Variants in PPP3CB observed in about 807,000 individuals in gnomAD.
PPP3CB encodes protein phosphatase 3 catalytic subunit beta.
A neutral mutation model predicts 66.4 loss-of-function variants in PPP3CB; 8 were observed. That is an observed-to-expected ratio of 0.12 (90% CI 0.07 to 0.22). The LOEUF is 0.22. Among genes scored for constraint, PPP3CB ranks in the 10% least tolerant of loss-of-function variants. The pLI, the probability that PPP3CB is intolerant of heterozygous loss-of-function variation, is 1.00. For synonymous variants in PPP3CB, 208 were observed against 221.2 expected (o/e 0.94, Z 0.53); for missense variants, 319 against 642.5 (o/e 0.50, Z 5.44).
chr10:73,441,740 G>A (rs959611462), intron 12 of PPP3CB, among the ~76,000 whole-genome samples: 3 of 152,162 alleles, frequency 2.0e-5, no homozygotes, highest in African/African-American at 7.2e-5. Context: ...AGATCCTGGT[G>A]AGGGTAGCAT....
intron 9 of PPP3CB, among the ~76,000 whole-genome samples, chr10:73,456,500 C>A (rs1226659423): frequency 1.3e-5 from 2 of 152,152 alleles, no homozygotes; most frequent in Admixed American, 6.5e-5. Flanking sequence ...TTTATCACAA[C>A]AGAACAGAGA....
At chr10:73,454,109 C>G (rs1252501724) in intron 10 of PPP3CB, among the ~76,000 whole-genome samples, 1 of 152,106 alleles carries the variant, frequency 6.6e-6, no homozygotes, top group Non-Finnish European at 1.5e-5. Context: ...TTTTCTCTAA[C>G]CAGTGTCCAT....
rs1488165485 is a variant in PPP3CB, at chr10:73,437,250, T to G, written c.*992A>C. On this transcript the variant is annotated 3_prime_UTR_variant, in exon 14 of 14. Coordinates refer to ENST00000360663, the MANE Select transcript of PPP3CB (RefSeq NM_021132.4). ...TTAAAATTTCCTTTGCATTAAAACA[T>G]AAAAATGATAGAAAGCCAGCAGCAA... 1 of 152,632 alleles carries G rather than the reference T, an allele frequency of 6.6e-6. No homozygotes were observed. Among genetic ancestry groups the G allele is most frequent in the Non-Finnish European group, 1.5e-5 (1 of 68,028 alleles). 9.5% of individuals were successfully genotyped at this position (152,632 alleles called of 1,614,324 possible).
At chr10:73,495,484 C>T (rs2057178832) in intron 1 of PPP3CB, 1 of 183,420 alleles carries the variant, frequency 5.5e-6, no homozygotes, top group African/African-American at 2.4e-5. Flanking sequence ...GGGCAGGAAG[C>T]TAATCGCGGC....
intron 9 of PPP3CB, among the ~76,000 whole-genome samples, chr10:73,457,563 C>A (rs1409340591): frequency 6.6e-6 from 1 of 151,760 alleles, no homozygotes; most frequent in African/African-American, 2.4e-5. Context: ...CATGGTGAAA[C>A]CCTGTCTCTA....
intron 3 of PPP3CB, 43 bp downstream of exon 3, chr10:73,478,456 T>C: frequency 1.3e-6 from 2 of 1,560,732 alleles, no homozygotes; most frequent in Non-Finnish European, 1.8e-6. Flanking sequence ...AGCATCTGTG[T>C]TAACACTTAA....
intron 1 of PPP3CB, among the ~76,000 whole-genome samples, chr10:73,494,510 GTC>G (rs2057140675): frequency 6.6e-6 from 1 of 151,986 alleles, no homozygotes; most frequent in Non-Finnish European, 1.5e-5. Context: ...GCCCAGGCTG[GTC>G]TCCAACTCCT....
intron 9 of PPP3CB, among the ~76,000 whole-genome samples, chr10:73,458,036 G>T (rs997080064): frequency 2.0e-5 from 3 of 152,166 alleles, no homozygotes; most frequent in African/African-American, 7.2e-5. Context: ...TGCTAGTCTG[G>T]TGATAGATAC....
chr10:73,448,591 G>C, intron 10 of PPP3CB: 1 of 531,064 alleles, frequency 1.9e-6, no homozygotes, highest in Non-Finnish European at 3.9e-6. Context: ...CAATGAATGT[G>C]CTAACTTACA....
At chr10:73,490,489 C>T (rs562395342) in intron 1 of PPP3CB, among the ~76,000 whole-genome samples, 45 of 152,328 alleles carry the variant, frequency 3.0e-4, no homozygotes, top group Non-Finnish European at 4.7e-4. Context: ...CATACACAGA[C>T]GATGCCCAAT....
intron 9 of PPP3CB, among the ~76,000 whole-genome samples, chr10:73,460,896 G>A (rs1309107499): frequency 2.0e-5 from 3 of 152,212 alleles, no homozygotes; most frequent in African/African-American, 7.2e-5. Context: ...GAAAGCCTAG[G>A]TGCCCAGGGG....
In PPP3CB at chr10:73,490,683, C is replaced by A. The variant is rs191582629; in HGVS notation, c.85+5122G>T. On this transcript the variant is annotated intron_variant, in intron 1 of 13. Transcript: ENST00000360663. ...TTTGCCTCACTACTAAGCTGTATTT[C>A]CAACTTGGCATTTTCCTTTTAAGGT... Among the ~76,000 whole-genome samples the A allele has an allele frequency of 8.7e-3, 1,325 of 152,286 alleles. 13 individuals carry two copies. Among genetic ancestry groups the A allele is most frequent in the Non-Finnish European group, 0.016 (1,058 of 68,020 alleles).
intron 1 of PPP3CB, among the ~76,000 whole-genome samples, chr10:73,481,626 A>C (rs1214258098): frequency 4.4e-4 from 62 of 139,442 alleles, no homozygotes; most frequent in African/African-American, 1.9e-3. Flanking sequence ...TAAAGTAACT[A>C]AAAAAAAACA....
intron 10 of PPP3CB, among the ~76,000 whole-genome samples, chr10:73,448,335 C>T (rs2056292407): frequency 1.3e-5 from 2 of 152,074 alleles, no homozygotes; most frequent in Non-Finnish European, 2.9e-5. Context: ...TAAATGGTCA[C>T]AGTAACATTT....
At position 73,439,973 on chromosome 10, in the gene PPP3CB, A is replaced by G; in HGVS notation, c.1367-72T>C. On this transcript the variant is annotated intron_variant, in intron 12 of 13. Transcript: ENST00000360663. ...GAAGGGTCATATTGTACAGCAGAAAAGGCAATGATCACTTAAAATATCACA... is the reference window on the plus strand; with the variant it reads ...GAAGGGTCATATTGTACAGCAGAAAGGGCAATGATCACTTAAAATATCACA... The G allele has an allele frequency of 2.1e-6, 3 of 1,444,130 alleles. No individual in the cohort carries two copies. The South Asian group carries it at 3.4e-5, about 17-fold the overall frequency. 89.5% of individuals were successfully genotyped at this position (1,444,130 alleles called of 1,614,324 possible). A position where few individuals can be genotyped will look rare whatever the true frequency, so the allele number is the denominator to read the frequency against.
intron 1 of PPP3CB, among the ~76,000 whole-genome samples, chr10:73,479,920 C>T (rs2056847067): frequency 6.6e-6 from 1 of 151,982 alleles, no homozygotes; most frequent in African/African-American, 2.4e-5. Context: ...ACGACTACTT[C>T]GTAGGCTGGG....
intron 10 of PPP3CB, among the ~76,000 whole-genome samples, chr10:73,449,951 A>G (rs1589687394): frequency 6.6e-6 from 1 of 152,058 alleles, no homozygotes; most frequent in Admixed American, 6.5e-5. Context: ...GCGCACCACC[A>G]TGCCTGGCTA....
At chr10:73,440,869 C>A (rs1445940369) in intron 12 of PPP3CB, among the ~76,000 whole-genome samples, 2 of 152,162 alleles carry the variant, frequency 1.3e-5, no homozygotes, top group Non-Finnish European at 1.5e-5. Flanking sequence ...GAGAATTTCA[C>A]CATAATTAGT....
chr10:73,447,601 C>G (rs11000658), intron 10 of PPP3CB, among the ~76,000 whole-genome samples: 16 of 152,144 alleles, frequency 1.1e-4, no homozygotes, highest in Non-Finnish European at 2.2e-4. Flanking sequence ...GTCTGAACAA[C>G]TGTAAGTCTT....
Sources: allele counts gnomAD v4.1 joint callset (sites outside exome capture counted in the v4.1 genomes callset), GRCh38; gene constraint gnomAD v4.1.1; transcripts MANE v1.5; gene names NCBI Gene and HGNC (gene_info 2026-07-23, HGNC 2026-07-21).